PRKCH: variants seen among roughly 807,000 people sequenced by gnomAD.
PRKCH encodes the protein protein kinase C eta type.
Under a neutral mutation model 82.5 loss-of-function variants are expected in PRKCH, and 28 were observed. The observed-to-expected ratio is 0.34, with a 90% CI of 0.25 to 0.47. The LOEUF (loss-of-function observed/expected upper bound fraction) is 0.47, where lower values mean the gene tolerates loss of function less well. Ranked by LOEUF, PRKCH falls within the 20% of genes least tolerant of loss-of-function variation. The probability of loss-of-function intolerance (pLI) is 1.00; values close to 1 mark genes in which losing one functional copy is unlikely to be tolerated. For synonymous variants in PRKCH, 322 were observed against 327.4 expected, an observed-to-expected ratio of 0.98 and a Z score of 0.18; for missense variants, 705 against 881.8, an observed-to-expected ratio of 0.80 and a Z score of 2.54.
chr14:61,201,124 T>G (rs951988329), intron 1 of PRKCH, among the ~76,000 whole-genome samples: 8 of 152,202 alleles, frequency 5.3e-5, no homozygotes, highest in African/African-American at 1.9e-4. Flanking sequence ...GATGCAAGTT[T>G]GATAACAAGA....
rs113758265 is a variant in PRKCH, at chr14:61,459,398, C to T, written c.1278+1719C>T. 9.3e-3 allele frequency among the ~76,000 whole-genome samples: 1,424 copies of T among 152,330 alleles called. 18 individuals carry two copies. Among genetic ancestry groups the T allele is most frequent in the African/African-American group, 0.033 (1,352 of 41,560 alleles). On this transcript the variant is annotated intron_variant, in intron 9 of 13. Coordinates refer to ENST00000332981, the MANE Select transcript of PRKCH (RefSeq NM_006255.5). ...TATGTCATACAGGGTCAACAGCACA[C>T]TATGGGTCTGCTGGTGAGACAGAGC...
chr14:61,540,811 A>G (rs970036260), intron 12 of PRKCH, among the ~76,000 whole-genome samples: 1 of 152,134 alleles, frequency 6.6e-6, no homozygotes, highest in Non-Finnish European at 1.5e-5. Flanking sequence ...AGCAAATTCC[A>G]TCCAGATCCA....
intron 1 of PRKCH, among the ~76,000 whole-genome samples, chr14:61,227,793 G>A (rs117233973): frequency 1.2e-3 from 182 of 152,162 alleles, no homozygotes; most frequent in Non-Finnish European, 2.4e-3. Context: ...TAAATATGCC[G>A]TCTTGAAGAG....
At chr14:61,446,609 T>C (rs1311841649) in intron 4 of PRKCH, among the ~76,000 whole-genome samples, 1 of 152,250 alleles carries the variant, frequency 6.6e-6, no homozygotes, top group Non-Finnish European at 1.5e-5. Context: ...GACTTTACTA[T>C]GTATGAACAA....
chr14:61,246,407 C>G (rs757782734), intron 1 of PRKCH, among the ~76,000 whole-genome samples: 92 of 10,826 alleles, frequency 8.5e-3, no homozygotes, highest in Non-Finnish European at 0.013. Context: ...GACTCTGTCT[C>G]AAAGAAAAAA....
chr14:61,241,869 A>G (rs890928041), intron 1 of PRKCH, among the ~76,000 whole-genome samples: 7 of 152,196 alleles, frequency 4.6e-5, no homozygotes, highest in African/African-American at 1.2e-4. Context: ...TTATGAGATG[A>G]AGCGTGTTTT....
intron 10 of PRKCH, among the ~76,000 whole-genome samples, chr14:61,491,990 G>A (rs1886467759): frequency 6.6e-6 from 1 of 152,202 alleles, no homozygotes. Flanking sequence ...GGGAAAGATG[G>A]AAGATTTTTA....
At chr14:61,339,939 C>G (rs965159063) in intron 1 of PRKCH, among the ~76,000 whole-genome samples, 3 of 151,912 alleles carry the variant, frequency 2.0e-5, no homozygotes, top group Non-Finnish European at 2.9e-5. Flanking sequence ...CTTGACTTGG[C>G]CTCCCAAAGT....
intron 1 of PRKCH, among the ~76,000 whole-genome samples, chr14:61,359,293 C>T (rs566885331): frequency 2.1e-4 from 32 of 152,308 alleles, no homozygotes; most frequent in African/African-American, 6.7e-4. Context: ...GAAGTAGACA[C>T]CCTAATATCC....
At chr14:61,306,427 C>T (rs1310174286) in intron 1 of PRKCH, 1 of 152,236 alleles carries the variant, frequency 6.6e-6, no homozygotes, top group South Asian at 2.1e-4. Flanking sequence ...ATCTAGATTT[C>T]TTCAGCTCAG....
intron 6 of PRKCH, among the ~76,000 whole-genome samples, 200 bp downstream of exon 6, chr14:61,451,171 C>T (rs948737391): frequency 6.6e-6 from 1 of 152,190 alleles, no homozygotes; most frequent in African/African-American, 2.4e-5. Flanking sequence ...ATTTTCTAAT[C>T]ATAGGACATT....
intron 1 of PRKCH, among the ~76,000 whole-genome samples, chr14:61,189,707 A>C (rs1594843849): frequency 6.8e-6 from 1 of 146,160 alleles, no homozygotes; most frequent in South Asian, 2.2e-4. Flanking sequence ...TAATGACCAC[A>C]CTTTTTAACC....
chr14:61,222,023 C>A (rs1046784171), intron 1 of PRKCH, among the ~76,000 whole-genome samples: 2 of 151,992 alleles, frequency 1.3e-5, no homozygotes, highest in African/African-American at 4.8e-5. Flanking sequence ...AGAAGGCAGC[C>A]TGCAGTGCCC....
chr14:61,497,357 G>A (rs1401702099), intron 10 of PRKCH, among the ~76,000 whole-genome samples: 1 of 152,156 alleles, frequency 6.6e-6, no homozygotes, highest in Non-Finnish European at 1.5e-5. Context: ...AATTTGTGAT[G>A]TGGAGGTGCA....
Position 61,216,487 on chromosome 14 carries a change from T to A in PRKCH, c.-19+28819T>A, listed in dbSNP as rs142955188. On this transcript the variant is annotated intron_variant, in intron 1 of 3. Transcript: ENST00000555185. ...TCTGTCTCAAAAAAAAAACAAAAATTAAAAAAAATTAAAAAACCAGAAAAG... is the reference window on the plus strand; with the variant it reads ...TCTGTCTCAAAAAAAAAACAAAAATAAAAAAAAATTAAAAAACCAGAAAAG... Among the ~76,000 whole-genome samples, 849 of 151,096 alleles carry A rather than the reference T, an allele frequency of 5.6e-3. 11 individuals carry two copies. The highest frequency in any genetic ancestry group is 0.02 in the African/African-American group (813 of 41,142).
intron 9 of PRKCH, among the ~76,000 whole-genome samples, chr14:61,483,771 G>A (rs1010681207): frequency 5.3e-5 from 8 of 152,196 alleles, no homozygotes; most frequent in African/African-American, 9.6e-5. Context: ...TTCAAGGCTG[G>A]GTGTGGTAGC....
chr14:61,322,271 C>G lies in PRKCH; in HGVS notation c.170C>G (p.Thr57Ser). ...GTGGACCAGGTGCGCGTGGGCCAGA[C>G]CAGCACCAAGCAGAAGACCAACAAA... ...VSVDQVRVGQTSTKQKTNKPT... is the reference protein window; with the variant it reads ...VSVDQVRVGQSSTKQKTNKPT... Residue 57 changes from threonine to serine, a missense_variant, in exon 1 of 14, where the codon ACC becomes AGC. Thr to Ser is a moderately conservative substitution (Grantham distance 58). This residue lies in a region of PRKCH where 246 missense variants were observed against 308.0 expected (regional missense o/e 0.80). Transcript: ENST00000332981. 1.2e-6 allele frequency: 2 copies of G among 1,613,258 alleles called. No homozygotes were observed. The highest frequency in any genetic ancestry group is 1.7e-6 in the Non-Finnish European group (2 of 1,179,894).
At chr14:61,468,464 C>T (rs1001916940) in intron 9 of PRKCH, among the ~76,000 whole-genome samples, 1 of 152,098 alleles carries the variant, frequency 6.6e-6, no homozygotes, top group African/African-American at 2.4e-5. Context: ...GTGCATAGGC[C>T]TTCTCCAGGA....
chr14:61,383,787 G>A (rs756755905), intron 1 of PRKCH, among the ~76,000 whole-genome samples: 3 of 151,954 alleles, frequency 2.0e-5, no homozygotes, highest in Non-Finnish European at 4.4e-5. Context: ...CCAGGAGAGG[G>A]GCCTGACTAG....
Sources: allele counts gnomAD v4.1 joint callset (sites outside exome capture counted in the v4.1 genomes callset), GRCh38; gene constraint gnomAD v4.1.1; regional missense constraint gnomAD v4.1.1; transcripts MANE v1.5; gene names NCBI Gene and HGNC (gene_info 2026-07-23, HGNC 2026-07-21).